Variants in MFHAS1 observed in about 807,000 individuals in gnomAD.
MFHAS1 encodes the protein multifunctional ROCO family signaling regulator 1, also known as malignant fibrous histiocytoma-amplified sequence 1.
In MFHAS1, 50 loss-of-function variants were observed where a neutral mutation model predicts 70.4. The observed-to-expected ratio is 0.71, with a 90% CI of 0.57 to 0.90. The LOEUF (loss-of-function observed/expected upper bound fraction) is 0.90, where lower values mean the gene tolerates loss of function less well. Among genes scored for constraint, MFHAS1 ranks in the 40% least tolerant of loss-of-function variants. The pLI is 0.00. For missense variants in MFHAS1, 1,795 were observed against 1,347.6 expected (o/e 1.33, Z -5.20); for synonymous variants, 952 against 620.0 (o/e 1.54, Z -7.96).
chr8:8,832,208 A>C (rs1388426315), intron 1 of MFHAS1, among the ~76,000 whole-genome samples: 1 of 152,108 alleles, frequency 6.6e-6, no homozygotes, highest in Non-Finnish European at 1.5e-5. Context: ...AAAAAGTACT[A>C]ACCAGAAGAC....
chr8:8,866,315 T>A (rs1398244612), intron 1 of MFHAS1, among the ~76,000 whole-genome samples: 1 of 148,646 alleles, frequency 6.7e-6, no homozygotes, highest in Non-Finnish European at 1.5e-5. Flanking sequence ...TCACTTCTTT[T>A]TTGTTTTTTT....
chr8:8,891,844 C>T lies in MFHAS1; in HGVS notation c.1215G>A (p.Ala405=). 1.2e-6 allele frequency: 2 copies of T among 1,612,756 alleles called. No homozygotes were observed. The highest frequency in any genetic ancestry group is 1.1e-5 in the South Asian group (1 of 91,028). ...YQKELAHSQP[A]VQPRLKLLLM... ...GGAGCAGCTTGAGCCGGGGCTGCACCGCCGGCTGGGAATGAGCCAGTTCCT... is the reference window on the plus strand; with the variant it reads ...GGAGCAGCTTGAGCCGGGGCTGCACTGCCGGCTGGGAATGAGCCAGTTCCT... Residue 405 remains alanine (A), a synonymous_variant, in exon 1 of 3, where the codon GCG becomes GCA. Coordinates refer to ENST00000276282, the MANE Select transcript of MFHAS1 (RefSeq NM_004225.3). The surrounding 1 kb of genome is among the most constrained non-coding windows in gnomAD (Gnocchi z 5.4).
chr8:8,804,550 TTA>T lies in MFHAS1; in HGVS notation c.2999-7061_2999-7060del, dbSNP rs1806221091. ...CAGTTGGGGCCTCTCAGAGATGCCCTTAAATCAGAAAGCCCTCAGCACCTATC... is the reference window on the plus strand; with the variant it reads ...CAGTTGGGGCCTCTCAGAGATGCCCTAATCAGAAAGCCCTCAGCACCTATC... On this transcript the variant is annotated intron_variant, in intron 1 of 2. Transcript: ENST00000276282. Among the ~76,000 whole-genome samples, 2 of 152,200 alleles carry T rather than the reference TTA, an allele frequency of 1.3e-5. 1 individual carries two copies. Among genetic ancestry groups the T allele is most frequent in the South Asian group, 4.1e-4 (2 of 4,830 alleles).
chr8:8,791,125 G>GT (rs34714915), intron 2 of MFHAS1, among the ~76,000 whole-genome samples: 4,349 of 132,498 alleles, frequency 0.033, 151 homozygotes, highest in South Asian at 0.11. Context: ...CACCCCACCC[G>GT]TTTTTTTTTT....
In MFHAS1 at chr8:8,797,422, C is replaced by T. The variant is rs745993904; in HGVS notation, c.3068G>A (p.Arg1023Gln). ...TGGGTAAACCAAGGCAACATTTACT[C>T]GCTCGCTGCCGTTCTTGGGGCAAAT... ...EIICPKNGSERVNVALVYPPT... is the reference protein window; with the variant it reads ...EIICPKNGSEQVNVALVYPPT... Residue 1023 changes from arginine to glutamine, a missense_variant, in exon 2 of 3, where the codon CGA becomes CAA. By Grantham distance (43) the Arg-to-Gln change is conservative. Coordinates refer to ENST00000276282, the MANE Select transcript of MFHAS1 (RefSeq NM_004225.3). 4 of 1,613,992 alleles carry T rather than the reference C, an allele frequency of 2.5e-6. No individual in the cohort carries two copies. The highest frequency in any genetic ancestry group is 1.3e-5 in the African/African-American group (1 of 74,912).
At chr8:8,829,772 A>T (rs1340825856) in intron 1 of MFHAS1, among the ~76,000 whole-genome samples, 2 of 152,230 alleles carry the variant, frequency 1.3e-5, no homozygotes, top group Non-Finnish European at 2.9e-5. Context: ...CCAATGGATG[A>T]CAGCAAGTTA....
At chr8:8,806,929 A>C (rs1806311856) in intron 1 of MFHAS1, among the ~76,000 whole-genome samples, 1 of 152,016 alleles carries the variant, frequency 6.6e-6, no homozygotes, top group South Asian at 2.1e-4. Context: ...CCACTGCACT[A>C]CAGCCCTGGG....
In MFHAS1 at chr8:8,785,736, AC is replaced by A. The variant is rs1285398022; in HGVS notation, c.*285del. The A allele has an allele frequency of 1.2e-5, 4 of 334,548 alleles. No homozygotes were observed. Among genetic ancestry groups the A allele is most frequent in the African/African-American group, 1.0e-4 (4 of 38,206 alleles). 20.7% of individuals were successfully genotyped at this position (334,548 alleles called of 1,614,324 possible). On this transcript the variant is annotated 3_prime_UTR_variant, in exon 3 of 3. Coordinates refer to ENST00000276282, the MANE Select transcript of MFHAS1 (RefSeq NM_004225.3). Reference sequence around the variant, plus strand: ...AACAAAATCCCTGAGAAGCCATTCGACTTTTTTTTTTTTTTTTTCTTTTCTT... The same window carrying A: ...AACAAAATCCCTGAGAAGCCATTCGATTTTTTTTTTTTTTTTTCTTTTCTT...
At chr8:8,850,757 G>A (rs752363615) in intron 1 of MFHAS1, among the ~76,000 whole-genome samples, 15 of 147,638 alleles carry the variant, frequency 1.0e-4, no homozygotes, top group Non-Finnish European at 1.8e-4. Flanking sequence ...TCCAGGAGGC[G>A]AAGGTTACAG....
chr8:8,818,400 G>C (rs1340221449), intron 1 of MFHAS1, among the ~76,000 whole-genome samples: 3 of 152,156 alleles, frequency 2.0e-5, no homozygotes, highest in Admixed American at 1.3e-4. Context: ...CCTTCACAAA[G>C]CAAGAGCTAC....
intron 2 of MFHAS1, among the ~76,000 whole-genome samples, chr8:8,791,608 T>C (rs1167815447): frequency 1.3e-5 from 2 of 152,110 alleles, no homozygotes; most frequent in Non-Finnish European, 2.9e-5. Context: ...CCCTGGGAAA[T>C]GGAATATTGG....
At chr8:8,809,721 A>G (rs967349618) in intron 1 of MFHAS1, among the ~76,000 whole-genome samples, 1 of 152,068 alleles carries the variant, frequency 6.6e-6, no homozygotes, top group Admixed American at 6.6e-5. Context: ...GGAGAGGGGG[A>G]GGGGGAGGAG....
At chr8:8,805,965 G>C (rs906650946) in intron 1 of MFHAS1, among the ~76,000 whole-genome samples, 2 of 152,222 alleles carry the variant, frequency 1.3e-5, no homozygotes, top group Admixed American at 6.5e-5. Flanking sequence ...CTCCCAAAGT[G>C]CTGGGATTAC....
At chr8:8,865,512 A>G (rs1338412406) in intron 1 of MFHAS1, among the ~76,000 whole-genome samples, 1 of 152,146 alleles carries the variant, frequency 6.6e-6, no homozygotes, top group African/African-American at 2.4e-5. Flanking sequence ...AAACACAACC[A>G]AGGACCCCTC....
At chr8:8,884,262 C>T (rs1178559962) in intron 1 of MFHAS1, among the ~76,000 whole-genome samples, 2 of 152,070 alleles carry the variant, frequency 1.3e-5, no homozygotes, top group South Asian at 2.1e-4. Flanking sequence ...ATTTGTTTAT[C>T]CTAGTGCCTG....
chr8:8,796,989 C>A (rs1383551043), intron 2 of MFHAS1, among the ~76,000 whole-genome samples: 2 of 152,044 alleles, frequency 1.3e-5, no homozygotes, highest in Non-Finnish European at 2.9e-5. Context: ...GAGCGAGACT[C>A]CATCTCAAAA....
intron 1 of MFHAS1, among the ~76,000 whole-genome samples, chr8:8,829,853 T>C (rs1303955764): frequency 6.6e-6 from 1 of 152,134 alleles, no homozygotes. Context: ...TGTCCACAAA[T>C]GGAACAGATT....
intron 2 of MFHAS1, chr8:8,790,501 C>CA (rs1805685131): frequency 5.0e-6 from 2 of 398,396 alleles, no homozygotes; most frequent in Non-Finnish European, 6.8e-6. Flanking sequence ...TAAAGAAACA[C>CA]AATTCCTCCT....
chr8:8,823,355 G>C (rs962318258), intron 1 of MFHAS1, among the ~76,000 whole-genome samples: 3 of 152,058 alleles, frequency 2.0e-5, no homozygotes, highest in African/African-American at 7.2e-5. Flanking sequence ...GGGCATCGCT[G>C]CCAGAACAAA....
Sources: gnomAD v4.1 joint callset for allele counts (sites outside exome capture counted in the v4.1 genomes callset) on GRCh38, gnomAD v4.1.1 for gene constraint, Gnocchi (gnomAD v3.1) non-coding constraint, MANE v1.5 for transcripts, NCBI Gene and HGNC (gene_info 2026-07-23, HGNC 2026-07-21) for gene names.